The following DGCR2 variants were observed in gnomAD, a reference collection of about 807,000 sequenced individuals.
DGCR2 encodes the protein integral membrane protein DGCR2/IDD.
DGCR2 carries 24 observed loss-of-function variants against 51.6 expected under a neutral mutation model. The observed-to-expected ratio is 0.47, with a 90% confidence interval of 0.34 to 0.65. The LOEUF (loss-of-function observed/expected upper bound fraction) is 0.65. Among genes scored for constraint, DGCR2 ranks in the 30% least tolerant of loss-of-function variants. The pLI is 0.01. For missense variants in DGCR2, 765 were observed against 772.1 expected (o/e 0.99, Z 0.11); for synonymous variants, 340 against 315.4 (o/e 1.08, Z -0.82).
chr22:19,077,212 ATTGT>A (rs768434876), intron 2 of DGCR2, among the ~76,000 whole-genome samples: 1 of 152,100 alleles, frequency 6.6e-6, no homozygotes, highest in Non-Finnish European at 1.5e-5. Flanking sequence ...TAATTTATCT[ATTGT>A]TTCTTTTGTT....
chr22:19,037,812 TGAG>T lies in DGCR2; in HGVS notation c.*1050_*1052del, dbSNP rs1363667079. On this transcript the variant is annotated 3_prime_UTR_variant, in exon 10 of 10. Transcript: ENST00000263196. ...GAAGGGCCCCCAGCCCCTGCGCTGCTGAGGAGGGGCCGGGAGGTGTGCATGCGG... is the reference window on the plus strand; with the variant it reads ...GAAGGGCCCCCAGCCCCTGCGCTGCTGAGGGGCCGGGAGGTGTGCATGCGG... The T allele has an allele frequency of 6.6e-6, 1 of 152,548 alleles. No homozygotes were observed. Among genetic ancestry groups the T allele is most frequent in the African/African-American group, 2.4e-5 (1 of 41,460 alleles). 9.4% of individuals were successfully genotyped at this position (152,548 alleles called of 1,614,324 possible). A position where few individuals can be genotyped will look rare whatever the true frequency, so the allele number is the denominator to read the frequency against.
At chr22:19,049,057 T>TA (rs2082521488) in intron 6 of DGCR2, among the ~76,000 whole-genome samples, 2 of 152,300 alleles carry the variant, frequency 1.3e-5, no homozygotes, top group Middle Eastern at 3.4e-3. Context: ...AAAGTACATC[T>TA]AGCCAGGGCA....
rs1452198235 is a variant in DGCR2, at chr22:19,039,008, G to A, written c.1510C>T (p.Leu504=). 1.2e-6 allele frequency: 2 copies of A among 1,612,522 alleles called. No homozygotes were observed. The highest frequency in any genetic ancestry group is 1.7e-6 in the Non-Finnish European group (2 of 1,179,636). ...TCGGCAGAGTCTTCCAGGTCTGCCA[G>A]AGAGGCCCCCGCAGTGGGCAGAGGC... ...EQPLPTAGAS[L]ADLEDSADSS... The change falls in exon 10 of 10, where the codon CTG becomes TTG. Residue 504 remains leucine, a synonymous_variant. Transcript: ENST00000263196.
chr22:19,088,365 G>A (rs1331290227), intron 2 of DGCR2, among the ~76,000 whole-genome samples: 1 of 152,188 alleles, frequency 6.6e-6, no homozygotes, highest in Non-Finnish European at 1.5e-5. Context: ...TCCCACTGGG[G>A]TAACATCTGA....
chr22:19,099,953 G>A (rs1240355013), intron 1 of DGCR2, among the ~76,000 whole-genome samples: 1 of 143,686 alleles, frequency 7.0e-6, no homozygotes. Context: ...CTGGACGACA[G>A]AGCAAGATTC....
Position 19,100,225 on chromosome 22 carries a change from C to T in DGCR2, c.80-10735G>A, listed in dbSNP as rs541530470. Among the ~76,000 whole-genome samples, 485 of 150,010 alleles carry T rather than the reference C, an allele frequency of 3.2e-3. 2 individuals are homozygous for T. The highest frequency in any genetic ancestry group is 0.011 in the African/African-American group (431 of 40,738). On this transcript the variant is annotated intron_variant, in intron 1 of 9. Coordinates refer to ENST00000263196, the MANE Select transcript of DGCR2 (RefSeq NM_005137.3). ...GCGAGGTTGCAGTGAGCCAAGATCA[C>T]GCTACTGCACTCCAGCCTGTACAAC...
At chr22:19,074,527 C>T (rs2082853101) in intron 2 of DGCR2, among the ~76,000 whole-genome samples, 1 of 152,032 alleles carries the variant, frequency 6.6e-6, no homozygotes, top group Non-Finnish European at 1.5e-5. Context: ...TCACAGAGCA[C>T]AGGGCCCAGA....
At chr22:19,064,296 G>T (rs1373562644) in intron 4 of DGCR2, among the ~76,000 whole-genome samples, 1 of 152,202 alleles carries the variant, frequency 6.6e-6, no homozygotes, top group South Asian at 2.1e-4. Flanking sequence ...TCCTCATGGG[G>T]TTAGTACAAC....
chr22:19,120,719 C>T (rs1309868916), intron 1 of DGCR2, among the ~76,000 whole-genome samples: 4 of 152,106 alleles, frequency 2.6e-5, no homozygotes, highest in African/African-American at 7.2e-5. Context: ...AATCAGAAAA[C>T]GGTGACCTTC....
At chr22:19,063,366 G>C in intron 4 of DGCR2, 88 bp from the exon 5 acceptor site, 5 of 1,219,914 alleles carry the variant, frequency 4.1e-6, no homozygotes, top group Non-Finnish European at 5.9e-6. Context: ...TTTTGAGACA[G>C]AGTCTCGCTC....
At chr22:19,065,199 A>C in intron 3 of DGCR2, 132 bp from the exon 4 acceptor site, 7 of 738,746 alleles carry the variant, frequency 9.5e-6, no homozygotes, top group Non-Finnish European at 1.3e-5. Flanking sequence ...GCTCAAGAGG[A>C]CAAGGTCTGC....
Position 19,063,254 on chromosome 22 carries a change from A to G in DGCR2, c.573T>C (p.Val191=), listed in dbSNP as rs547955072. 2.5e-6 allele frequency: 4 copies of G among 1,614,094 alleles called. No individual in the cohort carries two copies. In the Admixed American group the frequency reaches 6.7e-5, roughly 27 times the overall value. The change falls in exon 5 of 10, where the codon GTT becomes GTC. Residue 191 remains valine, a synonymous_variant. Coordinates refer to ENST00000263196, the MANE Select transcript of DGCR2 (RefSeq NM_005137.3). The part of the protein sequence containing the change: ...QRKLWVGYQY[V]ITGRNRSLEG... Reference sequence around the variant, plus strand: ...CCAAGGAGCGGTTCCGGCCAGTGATAACATACTGATAGCCAACCCACAACC... The same window carrying G: ...CCAAGGAGCGGTTCCGGCCAGTGATGACATACTGATAGCCAACCCACAACC...
At position 19,122,249 on chromosome 22, in the gene DGCR2, C is replaced by T. The variant is rs1200903223; in HGVS notation, c.-43G>A. On this transcript the variant is annotated 5_prime_UTR_variant, in exon 1 of 10. Coordinates refer to ENST00000263196, the MANE Select transcript of DGCR2 (RefSeq NM_005137.3). ...TCCCCGGGGCGGCTGGAAGGCCGGA[C>T]CAGGCCGGACTGAGGGTCAGGGGAC... 1.4e-6 allele frequency: 2 copies of T among 1,448,294 alleles called. No homozygotes were observed. The highest frequency in any genetic ancestry group is 1.8e-6 in the Non-Finnish European group (2 of 1,085,276). 89.7% of individuals were successfully genotyped at this position (1,448,294 alleles called of 1,614,324 possible).
At chr22:19,046,696 T>G in intron 7 of DGCR2, 1 of 414,120 alleles carries the variant, frequency 2.4e-6, no homozygotes, top group South Asian at 1.7e-5. Context: ...CCTAGGAGAG[T>G]CAGGAGCCCA....
chr22:19,099,240 G>A (rs2083173973), intron 1 of DGCR2, among the ~76,000 whole-genome samples: 1 of 152,204 alleles, frequency 6.6e-6, no homozygotes, highest in African/African-American at 2.4e-5. Context: ...ACCAGATGGT[G>A]ACTCCAACAG....
intron 2 of DGCR2, among the ~76,000 whole-genome samples, chr22:19,083,982 G>A (rs187403426): frequency 5.0e-4 from 76 of 152,094 alleles, no homozygotes; most frequent in Non-Finnish European, 1.0e-3. Flanking sequence ...TCGGCCTCCC[G>A]AGGTGCCGGG....
chr22:19,117,928 G>C (rs1210542429), intron 1 of DGCR2, among the ~76,000 whole-genome samples: 1 of 152,182 alleles, frequency 6.6e-6, no homozygotes, highest in Non-Finnish European at 1.5e-5. Context: ...ACAGAGGAAA[G>C]CACTCCAAAC....
chr22:19,054,088 A>G (rs2082576152), intron 6 of DGCR2, among the ~76,000 whole-genome samples: 1 of 152,240 alleles, frequency 6.6e-6, no homozygotes, highest in Non-Finnish European at 1.5e-5. Context: ...TATAAAGGAT[A>G]TTATTGGAAC....
intron 1 of DGCR2, among the ~76,000 whole-genome samples, chr22:19,110,543 T>A (rs1177152812): frequency 6.6e-6 from 1 of 151,800 alleles, no homozygotes; most frequent in Non-Finnish European, 1.5e-5. Context: ...GGTTGTTAGG[T>A]GCAGCAAACC....
Sources: allele counts gnomAD v4.1 joint callset (sites outside exome capture counted in the v4.1 genomes callset), GRCh38; gene constraint gnomAD v4.1.1; transcripts MANE v1.5; gene names NCBI Gene and HGNC (gene_info 2026-07-23, HGNC 2026-07-21).